Variants in REDIC1 observed in about 807,000 individuals in gnomAD.
The protein encoded by REDIC1 is regulator of DNA class I crossover intermediates 1, also known as HEI10 Interacting Protein 1.
At chr12:39,832,227 GAC>G in the REDIC1 span, among the ~76,000 whole-genome samples, 1 of 152,090 alleles carries the variant, frequency 6.6e-6, no homozygotes, top group Non-Finnish European at 1.5e-5. Context: ...TTGAGAACCA[GAC>G]TAGGCTAATT....
the REDIC1 span, among the ~76,000 whole-genome samples, chr12:39,806,357 G>A: frequency 1.3e-5 from 2 of 152,164 alleles, no homozygotes; most frequent in Non-Finnish European, 2.9e-5. Flanking sequence ...CTGACCCTAG[G>A]TGCCTAATGA....
At chr12:39,742,539 G>A in the REDIC1 span, among the ~76,000 whole-genome samples, 2 of 152,122 alleles carry the variant, frequency 1.3e-5, no homozygotes, top group African/African-American at 4.8e-5. Context: ...CTGTCTTGGA[G>A]CTCTCGGGTA....
At chr12:39,835,128 C>A in the REDIC1 span, among the ~76,000 whole-genome samples, 1 of 152,070 alleles carries the variant, frequency 6.6e-6, no homozygotes, top group Non-Finnish European at 1.5e-5. Flanking sequence ...AGACTAAAAT[C>A]TTTTCTTTTG....
At chr12:39,720,753 A>C in the REDIC1 span, 1 of 1,479,624 alleles carries the variant, frequency 6.8e-7, no homozygotes, top group Non-Finnish European at 9.3e-7. Context: ...AAATGTAAGC[A>C]TGGTTTAGAG....
At chr12:39,841,105 G>C in the REDIC1 span, among the ~76,000 whole-genome samples, 3 of 151,962 alleles carry the variant, frequency 2.0e-5, no homozygotes, top group African/African-American at 7.2e-5. Flanking sequence ...CCCCTTACAC[G>C]TTGAGGCTAA....
the REDIC1 span, among the ~76,000 whole-genome samples, chr12:39,796,669 C>T: frequency 2.0e-5 from 3 of 152,082 alleles, no homozygotes; most frequent in Admixed American, 2.0e-4. Flanking sequence ...TTGTGCTGTA[C>T]AGCCAGCAAA....
chr12:39,710,351 G>T, the REDIC1 span, among the ~76,000 whole-genome samples: 1 of 151,730 alleles, frequency 6.6e-6, no homozygotes, highest in African/African-American at 2.4e-5. Flanking sequence ...AAAAATTCAG[G>T]CTATTTGAAA....
the REDIC1 span, among the ~76,000 whole-genome samples, chr12:39,708,718 G>A: frequency 6.6e-6 from 1 of 151,498 alleles, no homozygotes; most frequent in African/African-American, 2.4e-5. Context: ...TGGCTTTCTT[G>A]TTTCATTGAT....
chr12:39,665,768 C>T, the REDIC1 span, among the ~76,000 whole-genome samples: 1 of 151,726 alleles, frequency 6.6e-6, no homozygotes, highest in Non-Finnish European at 1.5e-5. Flanking sequence ...GTTTGTAGTT[C>T]TCCTTGAAGA....
At chr12:39,794,736 G>A in the REDIC1 span, among the ~76,000 whole-genome samples, 541 of 152,212 alleles carry the variant, frequency 3.6e-3, 1 homozygote, top group African/African-American at 0.013. Flanking sequence ...TCTGGTTCTG[G>A]GGGCTGCCTG....
the REDIC1 span, among the ~76,000 whole-genome samples, chr12:39,819,314 T>C: frequency 2.0e-5 from 3 of 152,190 alleles, no homozygotes; most frequent in Non-Finnish European, 2.9e-5. Flanking sequence ...ATTTATGTCA[T>C]AGAAAGTTAA....
At chr12:39,747,417 G>A in the REDIC1 span, among the ~76,000 whole-genome samples, 2 of 152,180 alleles carry the variant, frequency 1.3e-5, no homozygotes, top group Non-Finnish European at 1.5e-5. Context: ...CAATAAATAC[G>A]GGACTATGTG....
At chr12:39,716,263 A>G in the REDIC1 span, among the ~76,000 whole-genome samples, 2 of 151,976 alleles carry the variant, frequency 1.3e-5, no homozygotes, top group Admixed American at 6.6e-5. Flanking sequence ...TTTACTTGCA[A>G]TTGTAAAATA....
the REDIC1 span, among the ~76,000 whole-genome samples, chr12:39,706,505 C>G: frequency 6.6e-6 from 1 of 151,892 alleles, no homozygotes; most frequent in Non-Finnish European, 1.5e-5. Flanking sequence ...CTAAGTTATC[C>G]TAAGCAAAAC....
chr12:39,789,935 A>G, the REDIC1 span, among the ~76,000 whole-genome samples: 2 of 152,126 alleles, frequency 1.3e-5, no homozygotes, highest in East Asian at 3.8e-4. Context: ...ATAAATCAGG[A>G]TATCTTTAAT....
the REDIC1 span, among the ~76,000 whole-genome samples, chr12:39,740,216 A>G: frequency 3.9e-5 from 6 of 152,252 alleles, no homozygotes; most frequent in Non-Finnish European, 7.3e-5. Context: ...GCCAGTTAAT[A>G]AAAATCTTCC....
At chr12:39,712,365 C>A in the REDIC1 span, among the ~76,000 whole-genome samples, 12 of 101,872 alleles carry the variant, frequency 1.2e-4, 2 homozygotes, top group African/African-American at 3.8e-4. Context: ...TACATACATA[C>A]ATATGTATAT....
At chr12:39,832,443 G>A in the REDIC1 span, among the ~76,000 whole-genome samples, 1 of 151,964 alleles carries the variant, frequency 6.6e-6, no homozygotes, top group Non-Finnish European at 1.5e-5. Flanking sequence ...TAATGATAAA[G>A]GCTAATAATT....
At chr12:39,801,428 AAG>A in the REDIC1 span, among the ~76,000 whole-genome samples, 1 of 151,930 alleles carries the variant, frequency 6.6e-6, no homozygotes, top group Non-Finnish European at 1.5e-5. Flanking sequence ...CCATAAACAA[AAG>A]AGAGTTTTCC....
Sources: gnomAD v4.1 joint callset for allele counts (sites outside exome capture counted in the v4.1 genomes callset) on GRCh38, gnomAD v4.1.1 for gene constraint, MANE v1.5 for transcripts, NCBI Gene and HGNC (gene_info 2026-07-23, HGNC 2026-07-21) for gene names.